Variants in HS2ST1 observed in about 807,000 individuals in gnomAD.
HS2ST1 encodes the protein heparan sulfate 2-O-sulfotransferase 1, also known as 2-O-sulfotransferase.
Under a neutral mutation model 42.9 loss-of-function variants are expected in HS2ST1, and 18 were observed. The ratio of observed to expected loss-of-function variants is 0.42; its 90% CI spans 0.29 to 0.62. The LOEUF is 0.62. Ranked by LOEUF, HS2ST1 falls within the 20% of genes least tolerant of loss-of-function variation. The pLI is 0.21. For synonymous variants in HS2ST1, 146 were observed against 152.9 expected (o/e 0.95, Z 0.33); for missense variants, 334 against 433.8 (o/e 0.77, Z 2.04).
chr1:87,061,573 A>G (rs987434095), intron 1 of HS2ST1, among the ~76,000 whole-genome samples: 2 of 152,266 alleles, frequency 1.3e-5, no homozygotes, highest in Admixed American at 1.3e-4. Context: ...TGAGTACTTC[A>G]TTCCTTTCTA....
chr1:87,002,416 C>T (rs551298375), intron 1 of HS2ST1, among the ~76,000 whole-genome samples: 1 of 151,966 alleles, frequency 6.6e-6, no homozygotes, highest in Admixed American at 6.5e-5. Context: ...AATATGGTGA[C>T]ACCCTGTCTT....
intron 1 of HS2ST1, among the ~76,000 whole-genome samples, chr1:87,021,763 G>A (rs1421475018): frequency 1.3e-5 from 2 of 152,078 alleles, no homozygotes; most frequent in East Asian, 1.9e-4. Flanking sequence ...TGATCCTTCT[G>A]CCTTGGCCTC....
At chr1:86,993,104 A>G (rs1649006142) in intron 1 of HS2ST1, 1 of 1,601,128 alleles carries the variant, frequency 6.2e-7, no homozygotes, top group Non-Finnish European at 8.5e-7. Flanking sequence ...AAATTCATTC[A>G]TCTCGAAGTA....
chr1:87,034,719 G>T (rs1650327949), intron 1 of HS2ST1, among the ~76,000 whole-genome samples: 2 of 152,196 alleles, frequency 1.3e-5, no homozygotes, highest in Non-Finnish European at 1.5e-5. Context: ...AAATAGTTTT[G>T]AATTGAAGAG....
intron 1 of HS2ST1, among the ~76,000 whole-genome samples, chr1:86,972,098 G>C (rs2102210380): frequency 6.6e-6 from 1 of 152,270 alleles, no homozygotes; most frequent in South Asian, 2.1e-4. Context: ...TGGTTTAAGT[G>C]CATTCATTAT....
intron 1 of HS2ST1, among the ~76,000 whole-genome samples, chr1:86,942,233 A>G (rs1035660565): frequency 3.3e-5 from 5 of 152,252 alleles, no homozygotes; most frequent in African/African-American, 1.2e-4. Context: ...CAGTGTTTAT[A>G]GAACTAGATT....
At chr1:87,075,209 T>G (rs2096287) in intron 2 of HS2ST1, among the ~76,000 whole-genome samples, 117,130 of 132,700 alleles carry the variant, frequency 0.88, 52,014 homozygotes, top group East Asian at 0.99. Flanking sequence ...TGCTCTTGCT[T>G]CCCAGGCTGG....
intron 1 of HS2ST1, chr1:87,046,465 T>A: frequency 6.6e-6 from 7 of 1,059,556 alleles, no homozygotes; most frequent in Non-Finnish European, 1.0e-5. Flanking sequence ...TTAAACGTAT[T>A]TCCACTAAGG....
At chr1:87,098,008 G>T in intron 5 of HS2ST1, 73 bp downstream of exon 5, 13 of 1,598,528 alleles carry the variant, frequency 8.1e-6, no homozygotes, top group Non-Finnish European at 1.1e-5. Flanking sequence ...CATTTCACAA[G>T]GGCTAGATAT....
intron 1 of HS2ST1, chr1:87,046,589 G>C (rs1167727435): frequency 6.3e-7 from 1 of 1,577,824 alleles, no homozygotes; most frequent in Non-Finnish European, 8.7e-7. Flanking sequence ...GAAACCTCCA[G>C]TTCTGTTGGA....
At chr1:86,944,183 G>A (rs976504858) in intron 1 of HS2ST1, among the ~76,000 whole-genome samples, 1 of 152,102 alleles carries the variant, frequency 6.6e-6, no homozygotes, top group Non-Finnish European at 1.5e-5. Context: ...GATAGTGGAA[G>A]TTGTCCAGGA....
At chr1:87,043,704 T>C (rs1173815436) in intron 1 of HS2ST1, among the ~76,000 whole-genome samples, 1 of 152,118 alleles carries the variant, frequency 6.6e-6, no homozygotes, top group Non-Finnish European at 1.5e-5. Flanking sequence ...ATATGTCTTA[T>C]GTGCATTAAC....
At chr1:86,940,140 G>T in intron 1 of HS2ST1, among the ~76,000 whole-genome samples, 1 of 152,074 alleles carries the variant, frequency 6.6e-6, no homozygotes, top group East Asian at 1.9e-4. Flanking sequence ...AAGGTGGGAG[G>T]ACTGTGTGAG....
chr1:87,092,287 CA>C (rs1651964525), intron 3 of HS2ST1, among the ~76,000 whole-genome samples: 1 of 151,854 alleles, frequency 6.6e-6, no homozygotes, highest in African/African-American at 2.4e-5. Flanking sequence ...ATTTTTCATT[CA>C]TTTTTATCTC....
Position 87,013,886 on chromosome 1 carries a change from G to A in HS2ST1, c.125-59048G>A, listed in dbSNP as rs908991942. Among the ~76,000 whole-genome samples, 3 of 152,238 alleles carry A rather than the reference G, an allele frequency of 2.0e-5. 1 individual carries two copies. In the South Asian group the frequency reaches 6.2e-4, roughly 32 times the overall value. ...AGTTCCACAGGTCTCCAGGGCAGGGGCACAATGCCACCAGTTTCTTTGCTA... is the reference window on the plus strand; with the variant it reads ...AGTTCCACAGGTCTCCAGGGCAGGGACACAATGCCACCAGTTTCTTTGCTA... On this transcript the variant is annotated intron_variant, in intron 1 of 6. Transcript: ENST00000370550.
chr1:86,969,544 C>T (rs1648167179), intron 1 of HS2ST1, among the ~76,000 whole-genome samples: 1 of 152,138 alleles, frequency 6.6e-6, no homozygotes, highest in Admixed American at 6.5e-5. Context: ...CATTAAAACA[C>T]ATAAACACAG....
chr1:87,092,606 CT>C lies in HS2ST1; in HGVS notation c.528del (p.Leu177Ter). On this transcript the variant is annotated frameshift_variant, in exon 4 of 7. Transcript: ENST00000370550. LOFTEE classifies it high-confidence loss of function. ...TTGAGAGGCTAGTTTCTTATTATTA[CT>C]TTCTGAGATTTGGAGATGATTATAG... ...PIERLVSYYY[F>X]LRFGDDYRPG... The C allele has an allele frequency of 6.3e-7, 1 of 1,590,702 alleles. No homozygotes were observed. Among genetic ancestry groups the C allele is most frequent in the Non-Finnish European group, 8.6e-7 (1 of 1,168,282 alleles).
intron 3 of HS2ST1, among the ~76,000 whole-genome samples, chr1:87,091,915 G>A (rs1401181503): frequency 6.6e-6 from 1 of 151,916 alleles, no homozygotes; most frequent in African/African-American, 2.4e-5. Context: ...CCTCTATCTT[G>A]TCTTTAAAAT....
At chr1:86,986,160 A>G (rs1648780218) in intron 1 of HS2ST1, among the ~76,000 whole-genome samples, 1 of 148,028 alleles carries the variant, frequency 6.8e-6, no homozygotes, top group South Asian at 2.1e-4. Context: ...AATTTATTTT[A>G]TTAAAAGTGA....
Sources: gnomAD v4.1 joint callset for allele counts (sites outside exome capture counted in the v4.1 genomes callset) on GRCh38, gnomAD v4.1.1 for gene constraint, MANE v1.5 for transcripts, NCBI Gene and HGNC (gene_info 2026-07-23, HGNC 2026-07-21) for gene names.